IRAK1BP1: variants seen among roughly 807,000 people sequenced by gnomAD.
The protein encoded by IRAK1BP1 is interleukin-1 receptor-associated kinase 1-binding protein 1.
Under a neutral mutation model 28.0 loss-of-function variants are expected in IRAK1BP1, and 24 were observed. That is an observed-to-expected ratio of 0.86 (90% CI 0.62 to 1.20). The LOEUF (loss-of-function observed/expected upper bound fraction) is 1.20, where lower values mean the gene tolerates loss of function less well. IRAK1BP1 is among the 50% of genes most tolerant of loss of function. IRAK1BP1 has a pLI of 0.00. For missense variants in IRAK1BP1, 336 were observed against 316.7 expected (o/e 1.06, Z -0.46); for synonymous variants, 131 against 116.3 (o/e 1.13, Z -0.81).
chr6:78,965,690 AAC>A, the IRAK1BP1 span: 2 of 1,461,150 alleles, frequency 1.4e-6, no homozygotes, highest in African/African-American at 1.4e-5. Flanking sequence ...CAAAAAGCCT[AAC>A]ACACACTTAC....
intron 4 of IRAK1BP1, among the ~76,000 whole-genome samples, chr6:78,917,952 A>T (rs1277886067): frequency 6.6e-6 from 1 of 152,178 alleles, no homozygotes; most frequent in Non-Finnish European, 1.5e-5. Flanking sequence ...AAGAATGATA[A>T]CTGCTACCAC....
In IRAK1BP1 at chr6:78,882,208, A is replaced by G. The variant is rs962399225; in HGVS notation, c.316-3170A>G. 3.9e-5 allele frequency among the ~76,000 whole-genome samples: 6 copies of G among 152,170 alleles called. 1 individual carries two copies. Among genetic ancestry groups the G allele is most frequent in the Non-Finnish European group, 7.4e-5 (5 of 68,018 alleles). On this transcript the variant is annotated intron_variant, in intron 1 of 3. Coordinates refer to ENST00000369940, the MANE Select transcript of IRAK1BP1 (RefSeq NM_001010844.4). ...GGCAAGGAAACTGCATAAGCCTATA[A>G]TATCTTGCAACAGAAAGTAAGAAAG...
the IRAK1BP1 span, among the ~76,000 whole-genome samples, chr6:78,959,468 C>A: frequency 6.6e-6 from 1 of 151,906 alleles, no homozygotes. Flanking sequence ...TAGATTAATA[C>A]CAGCAGGGCA....
downstream of IRAK1BP1, among the ~76,000 whole-genome samples, chr6:78,907,012 G>A (rs940414870): frequency 3.2e-4 from 48 of 152,068 alleles, no homozygotes; most frequent in Non-Finnish European, 1.5e-4. Context: ...GTCATACCCC[G>A]GAGAGATGAA....
intron 4 of IRAK1BP1, chr6:78,935,975 A>T (rs1262739774): frequency 6.5e-6 from 1 of 153,442 alleles, no homozygotes; most frequent in East Asian, 1.9e-4. Context: ...AAAGGATTCA[A>T]AGAATTATGC....
chr6:78,926,212 C>T (rs1040405244), intron 4 of IRAK1BP1, among the ~76,000 whole-genome samples: 1 of 152,140 alleles, frequency 6.6e-6, no homozygotes, highest in Non-Finnish European at 1.5e-5. Flanking sequence ...AATGCTTATA[C>T]ACCGTTTGCA....
chr6:78,917,690 A>T (rs561990904), intron 4 of IRAK1BP1, among the ~76,000 whole-genome samples: 2 of 152,048 alleles, frequency 1.3e-5, no homozygotes, highest in South Asian at 2.1e-4. Flanking sequence ...GGTCAGATAC[A>T]TACAAAGAGA....
the IRAK1BP1 span, among the ~76,000 whole-genome samples, chr6:78,972,609 C>G: frequency 1.7e-3 from 254 of 152,112 alleles, 9 homozygotes; most frequent in East Asian, 0.04. Context: ...AAACCAAAGG[C>G]AAAGAAGTTG....
At chr6:78,959,964 C>T in the IRAK1BP1 span, among the ~76,000 whole-genome samples, 1 of 152,096 alleles carries the variant, frequency 6.6e-6, no homozygotes, top group African/African-American at 2.4e-5. Context: ...GGTTGGGCAA[C>T]ATCATATGGC....
At chr6:78,878,234 G>A (rs1297653852) in intron 1 of IRAK1BP1, among the ~76,000 whole-genome samples, 2 of 152,172 alleles carry the variant, frequency 1.3e-5, no homozygotes. Flanking sequence ...TAACTGGGAG[G>A]CACCTCCCAG....
At chr6:78,880,965 T>G (rs939178948) in intron 1 of IRAK1BP1, among the ~76,000 whole-genome samples, 1 of 152,196 alleles carries the variant, frequency 6.6e-6, no homozygotes, top group Non-Finnish European at 1.5e-5. Flanking sequence ...AAGGTAGTCT[T>G]ATAGTTTCTT....
At chr6:78,911,862 G>T (rs2127661996) in intron 4 of IRAK1BP1, among the ~76,000 whole-genome samples, 1 of 152,288 alleles carries the variant, frequency 6.6e-6, no homozygotes, top group Non-Finnish European at 1.5e-5. Flanking sequence ...ACATGGCCAG[G>T]ATGCAGAGAA....
chr6:78,958,552 T>A, the IRAK1BP1 span: 1 of 1,577,846 alleles, frequency 6.3e-7, no homozygotes, highest in East Asian at 2.2e-5. Context: ...TAAATGTTCG[T>A]GTATTATGCT....
chr6:78,910,552 G>T (rs1013459658), intron 4 of IRAK1BP1, among the ~76,000 whole-genome samples: 3 of 152,230 alleles, frequency 2.0e-5, no homozygotes, highest in Non-Finnish European at 2.9e-5. Context: ...TAGGTCGTGC[G>T]ATAGCTACAA....
chr6:78,940,908 C>G, intron 4 of IRAK1BP1: 1 of 1,613,862 alleles, frequency 6.2e-7, no homozygotes, highest in Non-Finnish European at 8.5e-7. Flanking sequence ...TCTTCCTCAT[C>G]TATAGGATCA....
intron 1 of IRAK1BP1, among the ~76,000 whole-genome samples, chr6:78,884,710 A>T (rs1771354058): frequency 6.6e-6 from 1 of 152,124 alleles, no homozygotes; most frequent in Non-Finnish European, 1.5e-5. Flanking sequence ...AAATTTAGTA[A>T]CTTGCCCAGA....
chr6:78,947,881 C>T, downstream of IRAK1BP1: 2 of 697,862 alleles, frequency 2.9e-6, no homozygotes, highest in South Asian at 4.2e-5. Flanking sequence ...AGTCCTAGAA[C>T]TCTTAATAAT....
At chr6:78,928,379 A>G (rs1467951560) in intron 4 of IRAK1BP1, among the ~76,000 whole-genome samples, 6 of 152,058 alleles carry the variant, frequency 3.9e-5, no homozygotes, top group African/African-American at 1.2e-4. Flanking sequence ...CTGCAACTTT[A>G]CTGACTTTGC....
intron 2 of IRAK1BP1, among the ~76,000 whole-genome samples, chr6:78,889,932 A>G (rs1771574939): frequency 6.6e-6 from 1 of 152,306 alleles, no homozygotes; most frequent in Middle Eastern, 3.4e-3. Context: ...ATATACCCAA[A>G]GGATTATAAA....
Sources: allele counts gnomAD v4.1 joint callset (sites outside exome capture counted in the v4.1 genomes callset), GRCh38; gene constraint gnomAD v4.1.1; transcripts MANE v1.5; gene names NCBI Gene and HGNC (gene_info 2026-07-23, HGNC 2026-07-21).